The following CSMD1 variants were observed in gnomAD, a reference collection of about 807,000 sequenced individuals.
The protein encoded by CSMD1 is CUB and sushi domain-containing protein 1.
Under a neutral mutation model 417.5 loss-of-function variants are expected in CSMD1, and 213 were observed. That is an observed-to-expected ratio of 0.51 (90% confidence interval 0.46 to 0.57). The LOEUF (loss-of-function observed/expected upper bound fraction) is 0.57, where lower values mean the gene tolerates loss of function less well. Among genes scored for constraint, CSMD1 ranks in the 20% least tolerant of loss-of-function variants. The pLI is 0.00. For missense variants in CSMD1, 6,923 were observed against 4,529.7 expected (o/e 1.53, Z -15.17); for synonymous variants, 2,862 against 1,736.8 (o/e 1.65, Z -16.11).
At position 2,949,393 on chromosome 8, in the gene CSMD1, C is replaced by G. The variant is rs1489567338; in HGVS notation, c.10315-7G>C. On this transcript the variant is annotated splice_region_variant and splice_polypyrimidine_tract_variant and intron_variant, in intron 67 of 69. Coordinates refer to ENST00000635120, the MANE Select transcript of CSMD1 (RefSeq NM_033225.6). ...TTTCAAGTCCAGATGACACCTGACA[C>G]ATAGGAAAGAAAAGAAAAGAAATAA... 1 of 830,036 alleles carries G rather than the reference C, an allele frequency of 1.2e-6. No homozygotes were observed. The highest frequency in any genetic ancestry group is 1.8e-6 in the Non-Finnish European group (1 of 566,526). The allele number at this position is 830,036 out of a possible 1,614,324, so 51.4% of individuals were successfully genotyped here. A position where few individuals can be genotyped will look rare whatever the true frequency, so the allele number is the denominator to read the frequency against.
chr8:4,273,077 G>C (rs962545076), intron 3 of CSMD1, among the ~76,000 whole-genome samples: 1 of 151,902 alleles, frequency 6.6e-6, no homozygotes, highest in Admixed American at 6.6e-5. Flanking sequence ...TGATTTTTGA[G>C]GAAGAAGTAT....
intron 4 of CSMD1, among the ~76,000 whole-genome samples, chr8:4,021,813 G>C (rs1178696855): frequency 6.6e-6 from 1 of 151,974 alleles, no homozygotes; most frequent in Non-Finnish European, 1.5e-5. Flanking sequence ...CTAAATTAAA[G>C]AAACTAAAGA....
intron 3 of CSMD1, among the ~76,000 whole-genome samples, chr8:4,241,727 G>T (rs1007390798): frequency 6.6e-6 from 1 of 150,402 alleles, no homozygotes; most frequent in African/African-American, 2.5e-5. Context: ...TTTTTGAGAC[G>T]GAGTCTCGCT....
chr8:4,238,980 T>C (rs112645777), intron 3 of CSMD1, among the ~76,000 whole-genome samples: 1 of 152,188 alleles, frequency 6.6e-6, no homozygotes, highest in Non-Finnish European at 1.5e-5. Context: ...AGAGTCCCAT[T>C]TTCCTGCTTC....
intron 5 of CSMD1, among the ~76,000 whole-genome samples, chr8:3,803,087 T>A (rs1335717153): frequency 6.6e-6 from 1 of 152,228 alleles, no homozygotes; most frequent in Non-Finnish European, 1.5e-5. Flanking sequence ...GGTCTATCTC[T>A]ATCAAAATGC....
intron 3 of CSMD1, among the ~76,000 whole-genome samples, chr8:4,036,980 T>G (rs866117516): frequency 6.6e-6 from 1 of 151,710 alleles, no homozygotes; most frequent in African/African-American, 2.4e-5. Context: ...TGTGTGTGTG[T>G]GTGTGTGTGT....
At chr8:3,714,082 A>G (rs1349617190) in intron 6 of CSMD1, among the ~76,000 whole-genome samples, 1 of 151,280 alleles carries the variant, frequency 6.6e-6, no homozygotes, top group Non-Finnish European at 1.5e-5. Context: ...ACACATATGT[A>G]TATAATCATG....
chr8:4,444,641 T>C (rs1798674895), intron 2 of CSMD1, among the ~76,000 whole-genome samples: 1 of 152,158 alleles, frequency 6.6e-6, no homozygotes, highest in Non-Finnish European at 1.5e-5. Context: ...ATGGTTATTA[T>C]CATTCAGGGC....
Position 3,411,815 on chromosome 8 carries a change from T to C in CSMD1, c.1562-2210A>G, listed in dbSNP as rs1261076196. On this transcript the variant is annotated intron_variant, in intron 12 of 69. Coordinates refer to ENST00000635120, the MANE Select transcript of CSMD1 (RefSeq NM_033225.6). ...ATACACGTATATATACACGTATATA[T>C]ACGTGTATATGTATATATGCACGTA... Among the ~76,000 whole-genome samples the C allele has an allele frequency of 1.3e-4, 16 of 125,252 alleles. 1 individual carries two copies. The highest frequency in any genetic ancestry group is 7.0e-4 in the East Asian group (2 of 2,838). 82.2% of individuals were successfully genotyped at this position (125,252 alleles called of 152,430 possible).
At chr8:3,054,012 C>T (rs565143599) in intron 49 of CSMD1, among the ~76,000 whole-genome samples, 2 of 152,134 alleles carry the variant, frequency 1.3e-5, no homozygotes, top group African/African-American at 2.4e-5. Context: ...ACACATAATT[C>T]TACATATAAA....
At chr8:4,588,782 A>ACACACACACACACG (rs1799839597) in intron 2 of CSMD1, among the ~76,000 whole-genome samples, 2 of 100,598 alleles carry the variant, frequency 2.0e-5, no homozygotes. Context: ...AGACTCCGAC[A>ACACACACACACACG]CACACACACA....
intron 26 of CSMD1, among the ~76,000 whole-genome samples, chr8:3,270,979 C>T (rs536594400): frequency 3.3e-5 from 5 of 151,568 alleles, no homozygotes; most frequent in Admixed American, 1.3e-4. Flanking sequence ...GCACAACGTA[C>T]AGGTTAGTTA....
In CSMD1 at chr8:3,913,531, G is replaced by T. The variant is rs560871237; in HGVS notation, c.818+84372C>A. On this transcript the variant is annotated intron_variant, in intron 5 of 69. Coordinates refer to ENST00000635120, the MANE Select transcript of CSMD1 (RefSeq NM_033225.6). ...ATGTGTTTCAGAAAGGATGGAGCGA[G>T]CCCTAGGTGCAAGTAATAATAAGGC... Among the ~76,000 whole-genome samples the T allele has an allele frequency of 8.1e-4, 123 of 152,240 alleles. 1 individual carries two copies. The highest frequency in any genetic ancestry group is 3.4e-3 in the Middle Eastern group (1 of 294).
intron 2 of CSMD1, among the ~76,000 whole-genome samples, chr8:4,437,251 G>C (rs998812945): frequency 5.3e-5 from 8 of 152,146 alleles, no homozygotes; most frequent in Non-Finnish European, 8.8e-5. Flanking sequence ...TCTGAAATTA[G>C]GCAGTAGAGA....
At chr8:3,572,102 C>G (rs1799968577) in intron 10 of CSMD1, among the ~76,000 whole-genome samples, 1 of 152,148 alleles carries the variant, frequency 6.6e-6, no homozygotes, top group South Asian at 2.1e-4. Flanking sequence ...CTCCATCCTG[C>G]TAGGGATGGC....
intron 12 of CSMD1, among the ~76,000 whole-genome samples, chr8:3,433,990 TG>T (rs143650376): frequency 6.6e-6 from 1 of 152,294 alleles, no homozygotes; most frequent in East Asian, 1.9e-4. Flanking sequence ...TCCTTTTAGG[TG>T]GCAAAGCACT....
At chr8:4,796,857 G>C (rs1798007577) in intron 1 of CSMD1, among the ~76,000 whole-genome samples, 1 of 152,118 alleles carries the variant, frequency 6.6e-6, no homozygotes. Flanking sequence ...GCAAAGGTCT[G>C]GGGTCAGGCA....
intron 3 of CSMD1, among the ~76,000 whole-genome samples, chr8:4,235,760 C>T (rs1001695162): frequency 6.6e-6 from 1 of 152,118 alleles, no homozygotes. Context: ...AATGTGTCCC[C>T]CATCTGGACC....
At position 4,973,450 on chromosome 8, in the gene CSMD1, A is replaced by C. The variant is rs1411853451; in HGVS notation, c.85+20882T>G. ...CAGTATGGGTTTTAGAACATTTTCT[A>C]GCTCTTAAATTATACATTTTCATTT... On this transcript the variant is annotated intron_variant, in intron 1 of 69. Transcript: ENST00000635120. Among the ~76,000 whole-genome samples the C allele has an allele frequency of 2.6e-5, 4 of 152,288 alleles. No homozygotes were observed. The East Asian group carries it at 7.7e-4, about 29-fold the overall frequency.
Sources: allele counts gnomAD v4.1 joint callset (sites outside exome capture counted in the v4.1 genomes callset), GRCh38; gene constraint gnomAD v4.1.1; transcripts MANE v1.5; gene names NCBI Gene and HGNC (gene_info 2026-07-23, HGNC 2026-07-21).